The following ALK variants were observed in gnomAD, a reference collection of about 807,000 sequenced individuals.
The protein encoded by ALK is ALK receptor tyrosine kinase.
Under a neutral mutation model 163.1 loss-of-function variants are expected in ALK, and 74 were observed. The observed-to-expected ratio is 0.45, with a 90% CI of 0.38 to 0.55. The LOEUF is 0.55. Among genes scored for constraint, ALK ranks in the 20% least tolerant of loss-of-function variants. The pLI is 0.00. For synonymous variants in ALK, 960 were observed against 843.2 expected (o/e 1.14, Z -2.40); for missense variants, 2,063 against 2,105.3 (o/e 0.98, Z 0.39).
At chr2:29,410,131 A>G (rs1333399999) in intron 4 of ALK, among the ~76,000 whole-genome samples, 2 of 152,164 alleles carry the variant, frequency 1.3e-5, no homozygotes, top group East Asian at 3.9e-4. Context: ...GGAACCTCAT[A>G]GAGTGTACTT....
chr2:29,629,647 A>G (rs1435221049), intron 3 of ALK, among the ~76,000 whole-genome samples: 1 of 152,202 alleles, frequency 6.6e-6, no homozygotes, highest in Non-Finnish European at 1.5e-5. Flanking sequence ...TTTCAACCAC[A>G]ACAATGTTAA....
rs866057136 is a variant in ALK, at chr2:29,522,978, A to G, written c.1154+8937T>C. ...CAGGACATTTGCTACAAGAAGAGGT[A>G]GTGGTGATTGTGGGGCTTAGGGATG... On this transcript the variant is annotated intron_variant, in intron 4 of 28. Coordinates refer to ENST00000389048, the MANE Select transcript of ALK (RefSeq NM_004304.5). 2.6e-5 allele frequency among the ~76,000 whole-genome samples: 4 copies of G among 152,296 alleles called. No individual in the cohort carries two copies. In the Middle Eastern group the frequency reaches 0.01, roughly 391 times the overall value.
chr2:29,203,644 G>A (rs868732407), intron 26 of ALK, among the ~76,000 whole-genome samples: 5 of 151,000 alleles, frequency 3.3e-5, no homozygotes, highest in South Asian at 4.2e-4. Context: ...CCGCCACCAC[G>A]CCCAGCTAAT....
chr2:29,566,021 C>G (rs1166491996), intron 3 of ALK, among the ~76,000 whole-genome samples: 1 of 152,146 alleles, frequency 6.6e-6, no homozygotes, highest in African/African-American at 2.4e-5. Context: ...TGTGGAAGGT[C>G]TCCAGGAGAT....
chr2:29,751,312 A>T (rs1375845601), intron 1 of ALK, among the ~76,000 whole-genome samples: 1 of 152,162 alleles, frequency 6.6e-6, no homozygotes, highest in Non-Finnish European at 1.5e-5. Context: ...TTTTAAAAAA[A>T]TTAATTGTGC....
At chr2:29,856,220 G>A (rs141543450) in intron 1 of ALK, among the ~76,000 whole-genome samples, 21 of 152,212 alleles carry the variant, frequency 1.4e-4, no homozygotes, top group African/African-American at 4.8e-4. Context: ...TTGTGGCCTC[G>A]GACAAATGAC....
chr2:29,605,456 A>C (rs1269350711), intron 3 of ALK, among the ~76,000 whole-genome samples: 2 of 152,344 alleles, frequency 1.3e-5, no homozygotes, highest in East Asian at 3.9e-4. Context: ...CAAAATTCAT[A>C]GGTTGAAATT....
intron 4 of ALK, among the ~76,000 whole-genome samples, chr2:29,514,374 A>G (rs1298050820): frequency 6.6e-6 from 1 of 151,352 alleles, no homozygotes; most frequent in East Asian, 1.9e-4. Context: ...ATTGGAAATC[A>G]TCATTCTCAG....
chr2:29,756,056 T>G (rs1680517319), intron 1 of ALK, among the ~76,000 whole-genome samples: 1 of 152,144 alleles, frequency 6.6e-6, no homozygotes, highest in South Asian at 2.1e-4. Context: ...ACTAATAGGT[T>G]TCTACACACA....
chr2:29,245,921 G>A (rs868246467), intron 12 of ALK, among the ~76,000 whole-genome samples: 22 of 152,346 alleles, frequency 1.4e-4, no homozygotes, highest in Middle Eastern at 6.8e-3. Context: ...GGCGTTGTCC[G>A]GCTGCACACG....
At chr2:29,512,051 T>C (rs564309217) in intron 4 of ALK, among the ~76,000 whole-genome samples, 77 of 150,718 alleles carry the variant, frequency 5.1e-4, no homozygotes, top group African/African-American at 1.7e-3. Flanking sequence ...TTAAAAGTTT[T>C]AAATTTTGAT....
At chr2:29,812,789 G>A (rs953100469) in intron 1 of ALK, among the ~76,000 whole-genome samples, 1 of 152,118 alleles carries the variant, frequency 6.6e-6, no homozygotes, top group African/African-American at 2.4e-5. Context: ...TTTCCCACCT[G>A]GGCTTCACGT....
At chr2:29,207,131 T>G in intron 26 of ALK, 40 bp downstream of exon 26, 1 of 1,541,988 alleles carries the variant, frequency 6.5e-7, no homozygotes, top group Non-Finnish European at 9.0e-7. Flanking sequence ...AGCACCACCT[T>G]ATGGCTGCAG....
At chr2:29,292,092 A>T (rs1374939170) in intron 9 of ALK, among the ~76,000 whole-genome samples, 1 of 152,252 alleles carries the variant, frequency 6.6e-6, no homozygotes. Context: ...CAAAGGGAAC[A>T]GGAAATCTAA....
chr2:29,271,947 G>T (rs545560783), intron 11 of ALK, among the ~76,000 whole-genome samples: 1 of 152,142 alleles, frequency 6.6e-6, no homozygotes, highest in East Asian at 1.9e-4. Context: ...CCTTAGACTC[G>T]CCCTGCACAG....
intron 4 of ALK, among the ~76,000 whole-genome samples, chr2:29,474,276 A>G (rs1009087288): frequency 2.0e-5 from 3 of 152,228 alleles, no homozygotes; most frequent in African/African-American, 7.2e-5. Context: ...TAAAAACAGG[A>G]AAATCTAATC....
intron 3 of ALK, among the ~76,000 whole-genome samples, chr2:29,638,712 A>C (rs1342772246): frequency 2.6e-5 from 4 of 152,072 alleles, no homozygotes; most frequent in African/African-American, 9.7e-5. Context: ...CTCTGTTCTA[A>C]CACCATCTGA....
At chr2:29,865,448 T>C (rs1296816250) in intron 1 of ALK, among the ~76,000 whole-genome samples, 2 of 152,176 alleles carry the variant, frequency 1.3e-5, no homozygotes, top group African/African-American at 4.8e-5. Context: ...GCTTTATTTG[T>C]TTCTCCTATG....
chr2:29,204,946 C>T (rs1172181218), intron 26 of ALK, among the ~76,000 whole-genome samples: 2 of 152,142 alleles, frequency 1.3e-5, no homozygotes, highest in Admixed American at 6.5e-5. Flanking sequence ...CGTTATTTGT[C>T]AGGTCTCTCC....
Sources: gnomAD v4.1 joint callset for allele counts (sites outside exome capture counted in the v4.1 genomes callset) on GRCh38, gnomAD v4.1.1 for gene constraint, MANE v1.5 for transcripts, NCBI Gene and HGNC (gene_info 2026-07-23, HGNC 2026-07-21) for gene names.